The following MTARC1 variants were observed in gnomAD, a reference collection of about 807,000 sequenced individuals.
MTARC1 encodes mitochondrial amidoxime-reducing component 1.
In MTARC1, 24 loss-of-function variants were observed where a neutral mutation model predicts 33.6. That is an observed-to-expected ratio of 0.72 (90% CI 0.52 to 1.01). The LOEUF (loss-of-function observed/expected upper bound fraction) is 1.01. MTARC1 is among the 50% of genes least tolerant of loss of function. The pLI, the probability that MTARC1 is intolerant of heterozygous loss-of-function variation, is 0.00. For synonymous variants in MTARC1, 187 were observed against 189.5 expected (o/e 0.99, Z 0.11); for missense variants, 417 against 445.7 (o/e 0.94, Z 0.58).
intron 2 of MTARC1, chr1:220,793,723 C>T (rs1331517342): frequency 6.6e-6 from 1 of 152,220 alleles, no homozygotes; most frequent in Non-Finnish European, 1.5e-5. Context: ...ATTATTCAGA[C>T]AAACAGCCTC....
Position 220,811,531 on chromosome 1 carries a change from A to G in MTARC1, c.888-1761A>G, listed in dbSNP as rs74687754. Among the ~76,000 whole-genome samples, 562 of 152,252 alleles carry G rather than the reference A, an allele frequency of 3.7e-3. 5 individuals carry two copies. The highest frequency in any genetic ancestry group is 0.011 in the African/African-American group (477 of 41,542). On this transcript the variant is annotated intron_variant, in intron 6 of 6. Transcript: ENST00000366910. ...TTGACTCTCTGTTTTCTCCTTAACA[A>G]TTTCTGATTTGAAGAACAACATTAG...
intron 6 of MTARC1, among the ~76,000 whole-genome samples, chr1:220,806,907 G>A (rs530952884): frequency 5.9e-5 from 9 of 152,314 alleles, no homozygotes; most frequent in East Asian, 1.9e-4. Flanking sequence ...GGGGTTTGTG[G>A]TACTCAAGGA....
At position 220,818,435 on chromosome 1, in the gene MTARC1, CA is replaced by C. The variant is rs1167429306; in HGVS notation, c.*5018del. 19 of 152,250 alleles carry C rather than the reference CA, an allele frequency of 1.2e-4. No homozygotes were observed. The highest frequency in any genetic ancestry group is 2.4e-4 in the Non-Finnish European group (16 of 68,050). The allele number at this position is 152,250 out of a possible 1,614,324, so 9.4% of individuals were successfully genotyped here. A position where few individuals can be genotyped will look rare whatever the true frequency, so the allele number is the denominator to read the frequency against. ...CTCTTCCAAGGCCATTTTTGATAGG[CA>C]GGTCAAATTCACTCACATTTGGTTA... On this transcript the variant is annotated 3_prime_UTR_variant, in exon 7 of 7. Coordinates refer to ENST00000366910, the MANE Select transcript of MTARC1 (RefSeq NM_022746.4).
intron 4 of MTARC1, among the ~76,000 whole-genome samples, chr1:220,802,769 C>G (rs1672854381): frequency 6.6e-6 from 1 of 152,248 alleles, no homozygotes; most frequent in Non-Finnish European, 1.5e-5. Context: ...TGTCGGCTCC[C>G]CTTTCTATCC....
chr1:220,800,823 G>A (rs1464214485), intron 4 of MTARC1, among the ~76,000 whole-genome samples: 2 of 151,984 alleles, frequency 1.3e-5, no homozygotes, highest in African/African-American at 4.8e-5. Flanking sequence ...CCCAAACTGC[G>A]AACCACCCCT....
intron 4 of MTARC1, 42 bp downstream of exon 4, chr1:220,798,056 C>T: frequency 6.2e-7 from 1 of 1,613,942 alleles, no homozygotes. Flanking sequence ...GATTTGACTT[C>T]TTTTTTAAGG....
At chr1:220,807,801 A>G (rs1300492944) in intron 6 of MTARC1, among the ~76,000 whole-genome samples, 21 of 152,016 alleles carry the variant, frequency 1.4e-4, no homozygotes, top group Admixed American at 1.4e-3. Context: ...GCGCTCACTC[A>G]CCATCAGAAC....
At chr1:220,803,607 A>G (rs1038214801) in intron 4 of MTARC1, among the ~76,000 whole-genome samples, 10 of 152,028 alleles carry the variant, frequency 6.6e-5, no homozygotes, top group Non-Finnish European at 1.2e-4. Context: ...CTCCCATACC[A>G]GGCTTGTCCT....
chr1:220,804,970 C>A (rs778307895), intron 4 of MTARC1, 82 bp from the exon 5 acceptor site: 2 of 1,463,996 alleles, frequency 1.4e-6, no homozygotes, highest in African/African-American at 1.4e-5. Flanking sequence ...TCGTTAGGTG[C>A]GAGGGCTCCT....
At position 220,806,892 on chromosome 1, in the gene MTARC1, A is replaced by G. The variant is rs565452207; in HGVS notation, c.887+1618A>G. On this transcript the variant is annotated intron_variant, in intron 6 of 6. Coordinates refer to ENST00000366910, the MANE Select transcript of MTARC1 (RefSeq NM_022746.4). ...ACAGGGTGGGTGGAGGGAATTACGG[A>G]GAAGGGGGTTTGTGGTACTCAAGGA... Among the ~76,000 whole-genome samples the G allele has an allele frequency of 5.3e-5, 8 of 152,274 alleles. 1 individual carries two copies. The South Asian group carries it at 1.7e-3, about 32-fold the overall frequency.
chr1:220,789,700 G>C (rs1272675272), intron 1 of MTARC1, among the ~76,000 whole-genome samples: 1 of 152,130 alleles, frequency 6.6e-6, no homozygotes, highest in Non-Finnish European at 1.5e-5. Flanking sequence ...GCAAAATGTG[G>C]TATATACACA....
intron 1 of MTARC1, among the ~76,000 whole-genome samples, chr1:220,789,495 G>A (rs569269820): frequency 6.6e-6 from 1 of 152,318 alleles, no homozygotes; most frequent in African/African-American, 2.4e-5. Flanking sequence ...TTATGAATTT[G>A]TGTTGGGCCT....
chr1:220,803,074 G>T (rs1400117378), intron 4 of MTARC1, among the ~76,000 whole-genome samples: 1 of 152,140 alleles, frequency 6.6e-6, no homozygotes, highest in Non-Finnish European at 1.5e-5. Flanking sequence ...GTGCTATGAA[G>T]AAATACCCGA....
intron 4 of MTARC1, chr1:220,798,544 C>A: frequency 1.0e-6 from 1 of 985,442 alleles, no homozygotes; most frequent in South Asian, 4.7e-5. Flanking sequence ...GCTTGAACAG[C>A]CCTGAGGCTT....
intron 1 of MTARC1, among the ~76,000 whole-genome samples, chr1:220,789,109 C>A (rs1237372181): frequency 6.6e-6 from 1 of 152,000 alleles, no homozygotes; most frequent in East Asian, 1.9e-4. Context: ...GAGGATGCGA[C>A]ACGTGCCAGG....
chr1:220,789,162 G>A (rs72470579), intron 1 of MTARC1, among the ~76,000 whole-genome samples: 21,440 of 151,960 alleles, frequency 0.14, 2,479 homozygotes, highest in African/African-American at 0.3. Context: ...GGCTGGGGCC[G>A]TCAGGGACAA....
intron 4 of MTARC1, among the ~76,000 whole-genome samples, chr1:220,801,565 C>T (rs369646086): frequency 4.1e-4 from 63 of 152,270 alleles, no homozygotes; most frequent in Middle Eastern, 6.8e-3. Flanking sequence ...GGGAGGGGTA[C>T]ATACACAGGG....
chr1:220,806,520 C>T (rs1014519060), intron 6 of MTARC1, among the ~76,000 whole-genome samples: 1 of 152,192 alleles, frequency 6.6e-6, no homozygotes, highest in South Asian at 2.1e-4. Context: ...TTCCCTGTAA[C>T]GTGAGGTTGT....
chr1:220,796,544 T>A, intron 2 of MTARC1, 99 bp from the exon 3 acceptor site: 1 of 1,328,576 alleles, frequency 7.5e-7, no homozygotes. Flanking sequence ...ATGACAGTAA[T>A]GTTACAGCTA....
Sources: gnomAD v4.1 joint callset for allele counts (sites outside exome capture counted in the v4.1 genomes callset) on GRCh38, gnomAD v4.1.1 for gene constraint, MANE v1.5 for transcripts, NCBI Gene and HGNC (gene_info 2026-07-23, HGNC 2026-07-21) for gene names.